The following SLC35F4 variants were observed in gnomAD, a reference collection of about 807,000 sequenced individuals.
SLC35F4 encodes chromosome 14 open reading frame 36.
In SLC35F4, 24 loss-of-function variants were observed where a neutral mutation model predicts 44.2. The ratio of observed to expected loss-of-function variants is 0.54; its 90% CI spans 0.39 to 0.76. SLC35F4 has a LOEUF of 0.76. SLC35F4 is among the 30% of genes least tolerant of loss of function. The pLI is 0.00. For missense variants in SLC35F4, 562 were observed against 586.1 expected, an observed-to-expected ratio of 0.96 and a Z score of 0.42; for synonymous variants, 238 against 223.6, an observed-to-expected ratio of 1.06 and a Z score of -0.57.
chr14:57,721,797 T>C (rs1951000), intron 1 of SLC35F4, among the ~76,000 whole-genome samples: 1,992 of 152,278 alleles, frequency 0.013, 35 homozygotes, highest in East Asian at 0.042. Flanking sequence ...TCCCCAGTAG[T>C]GGCAACATTG....
chr14:57,600,739 A>G (rs1167210639), intron 1 of SLC35F4, among the ~76,000 whole-genome samples: 2 of 151,432 alleles, frequency 1.3e-5, no homozygotes, highest in Non-Finnish European at 2.9e-5. Flanking sequence ...TAAAATATCA[A>G]TAACTCAACA....
chr14:57,569,668 C>T (rs1243240694), intron 6 of SLC35F4, 120 bp downstream of exon 6: 1 of 1,147,970 alleles, frequency 8.7e-7, no homozygotes, highest in African/African-American at 1.6e-5. Flanking sequence ...CGACATTGAA[C>T]AACATAAGTT....
chr14:57,959,381 G>A (rs973228130), intron 1 of SLC35F4, among the ~76,000 whole-genome samples: 3 of 152,218 alleles, frequency 2.0e-5, no homozygotes, highest in Non-Finnish European at 4.4e-5. Context: ...GGCAGTACAT[G>A]TGTATCTGAA....
chr14:57,694,201 CTTTGGCATTCTTCATGGAT>C (rs2075313053), intron 1 of SLC35F4, among the ~76,000 whole-genome samples: 1 of 152,132 alleles, frequency 6.6e-6, no homozygotes, highest in African/African-American at 2.4e-5. Context: ...ATAATTGCAT[CTTTGGCATTCTTCATGGAT>C]TGACCACCAA....
chr14:57,789,076 A>T (rs142775535), intron 1 of SLC35F4, among the ~76,000 whole-genome samples: 1,583 of 152,318 alleles, frequency 0.01, 24 homozygotes, highest in African/African-American at 0.036. Context: ...TCTAAAATCG[A>T]CAACCTAACA....
chr14:57,611,482 G>A (rs376343363), intron 1 of SLC35F4, among the ~76,000 whole-genome samples: 68 of 152,024 alleles, frequency 4.5e-4, no homozygotes, highest in African/African-American at 1.6e-3. Flanking sequence ...CCTGGGAAAT[G>A]CTGTTATCAA....
chr14:57,671,135 C>G (rs1384784568), intron 1 of SLC35F4, among the ~76,000 whole-genome samples: 2 of 152,014 alleles, frequency 1.3e-5, no homozygotes, highest in African/African-American at 4.8e-5. Context: ...GTCTCCTGAC[C>G]TCAACTCACC....
intron 1 of SLC35F4, among the ~76,000 whole-genome samples, chr14:57,814,361 A>G (rs78297784): frequency 6.6e-6 from 1 of 152,200 alleles, no homozygotes; most frequent in African/African-American, 2.4e-5. Context: ...TTTAAGGAAG[A>G]ACAGGAAAAC....
chr14:57,624,933 T>C (rs1315041002), intron 1 of SLC35F4, among the ~76,000 whole-genome samples: 2 of 152,136 alleles, frequency 1.3e-5, no homozygotes, highest in African/African-American at 4.8e-5. Flanking sequence ...CTATTCAACA[T>C]ACTATTGGAA....
At position 57,743,155 on chromosome 14, in the gene SLC35F4, G is replaced by A. The variant is rs940941424; in HGVS notation, c.103+122568C>T. On this transcript the variant is annotated intron_variant, in intron 1 of 7. Transcript: ENST00000556826. ...AAAATTGACATCCTAACCTCACAAT[G>A]AAAAGAACTAGAGAATCAAGAGCAA... Among the ~76,000 whole-genome samples the A allele has an allele frequency of 5.5e-4, 84 of 152,082 alleles. 1 individual carries two copies. The highest frequency in any genetic ancestry group is 4.7e-3 in the Admixed American group (72 of 15,254).
chr14:57,741,952 A>AATTTC (rs1292112486), intron 1 of SLC35F4, among the ~76,000 whole-genome samples: 95 of 152,326 alleles, frequency 6.2e-4, no homozygotes, highest in African/African-American at 2.1e-3. Flanking sequence ...TTCAACCCAG[A>AATTTC]ATTTCATATC....
intron 1 of SLC35F4, among the ~76,000 whole-genome samples, chr14:57,658,384 G>A (rs1306575883): frequency 3.3e-5 from 5 of 152,180 alleles, no homozygotes; most frequent in African/African-American, 4.8e-5. Flanking sequence ...GGAAATATCT[G>A]TGTTGAAACA....
intron 1 of SLC35F4, among the ~76,000 whole-genome samples, chr14:57,861,457 A>C (rs1328846497): frequency 2.6e-5 from 4 of 152,150 alleles, no homozygotes; most frequent in African/African-American, 9.6e-5. Flanking sequence ...TTATTTCTCC[A>C]ATCTTTAAAG....
upstream of SLC35F4, among the ~76,000 whole-genome samples, chr14:57,868,561 C>T (rs893274627): frequency 1.3e-5 from 2 of 151,728 alleles, no homozygotes; most frequent in East Asian, 1.9e-4. Flanking sequence ...CTGCAACCTC[C>T]GCCTCCCGGG....
chr14:57,973,380 G>C (rs1881113213), downstream of SLC35F4, among the ~76,000 whole-genome samples: 1 of 152,176 alleles, frequency 6.6e-6, no homozygotes, highest in South Asian at 2.1e-4. Context: ...GTCTCAAGAA[G>C]TAATTATAGA....
At chr14:57,906,913 C>T (rs972637569) in intron 1 of SLC35F4, among the ~76,000 whole-genome samples, 7 of 152,192 alleles carry the variant, frequency 4.6e-5, no homozygotes, top group Admixed American at 6.5e-5. Flanking sequence ...TTCCCGGATA[C>T]AACAGGATCC....
intron 1 of SLC35F4, among the ~76,000 whole-genome samples, chr14:57,849,017 T>C (rs1194563909): frequency 6.6e-6 from 1 of 152,190 alleles, no homozygotes; most frequent in African/African-American, 2.4e-5. Context: ...TGTGAAACTG[T>C]AGCATGCTAA....
At chr14:57,726,371 G>T (rs1055092577) in intron 1 of SLC35F4, among the ~76,000 whole-genome samples, 5 of 152,120 alleles carry the variant, frequency 3.3e-5, no homozygotes, top group African/African-American at 1.2e-4. Flanking sequence ...AGTAGAAGAA[G>T]GTAGTCATCA....
At chr14:57,762,737 T>C (rs537011672) in intron 1 of SLC35F4, among the ~76,000 whole-genome samples, 1 of 152,250 alleles carries the variant, frequency 6.6e-6, no homozygotes, top group South Asian at 2.1e-4. Flanking sequence ...CTCCTCTTTC[T>C]CTTGCATGCT....
Sources: allele counts gnomAD v4.1 joint callset (sites outside exome capture counted in the v4.1 genomes callset), GRCh38; gene constraint gnomAD v4.1.1; transcripts MANE v1.5; gene names NCBI Gene and HGNC (gene_info 2026-07-23, HGNC 2026-07-21).